Variants in SUPT3H observed in about 807,000 individuals in gnomAD.
SUPT3H encodes the protein transcription initiation protein SPT3 homolog.
A neutral mutation model predicts 44.3 loss-of-function variants in SUPT3H; 44 were observed. That is an observed-to-expected ratio of 0.99 (90% CI 0.78 to 1.28). SUPT3H has a LOEUF of 1.28. Ranked by LOEUF, SUPT3H falls within the 50% of genes most tolerant of loss-of-function variation. The pLI is 0.00. For missense variants in SUPT3H, 380 were observed against 387.1 expected (o/e 0.98, Z 0.15); for synonymous variants, 124 against 125.6 (o/e 0.99, Z 0.09).
chr6:44,906,533 T>C (rs1365385167), intron 10 of SUPT3H, among the ~76,000 whole-genome samples: 1 of 152,060 alleles, frequency 6.6e-6, no homozygotes, highest in Non-Finnish European at 1.5e-5. Context: ...GGAGGCCGAG[T>C]TGGGCGGATC....
At chr6:44,911,758 G>A (rs1246613757) in intron 10 of SUPT3H, among the ~76,000 whole-genome samples, 1 of 152,160 alleles carries the variant, frequency 6.6e-6, no homozygotes, top group Non-Finnish European at 1.5e-5. Flanking sequence ...AATACGAATT[G>A]TTACTGTTTT....
At chr6:44,959,816 T>A (rs1469074754) in intron 7 of SUPT3H, among the ~76,000 whole-genome samples, 2 of 152,098 alleles carry the variant, frequency 1.3e-5, no homozygotes, top group African/African-American at 4.8e-5. Flanking sequence ...AGAAGATACA[T>A]ATGGCAGGAC....
intron 10 of SUPT3H, among the ~76,000 whole-genome samples, chr6:44,888,295 G>T (rs372780373): frequency 5.3e-5 from 8 of 151,906 alleles, no homozygotes; most frequent in African/African-American, 1.2e-4. Flanking sequence ...TACCAAAGCC[G>T]GGCAGAGACA....
chr6:45,116,806 C>A (rs1028690181), intron 2 of SUPT3H, among the ~76,000 whole-genome samples: 3 of 151,982 alleles, frequency 2.0e-5, no homozygotes, highest in Non-Finnish European at 1.5e-5. Flanking sequence ...AGGGTTTTAC[C>A]ATCATCACCA....
At chr6:44,850,679 A>C (rs528789522) in intron 10 of SUPT3H, among the ~76,000 whole-genome samples, 6 of 152,052 alleles carry the variant, frequency 3.9e-5, no homozygotes, top group Non-Finnish European at 7.4e-5. Flanking sequence ...TCTTTTTTCA[A>C]TTATTTTGTT....
chr6:44,946,865 T>C (rs1773433180), intron 9 of SUPT3H, among the ~76,000 whole-genome samples: 1 of 152,182 alleles, frequency 6.6e-6, no homozygotes, highest in South Asian at 2.1e-4. Context: ...GGGTAAATGC[T>C]ATCAAACAAT....
At chr6:45,238,171 T>A (rs1199344528) in intron 2 of SUPT3H, among the ~76,000 whole-genome samples, 1 of 152,186 alleles carries the variant, frequency 6.6e-6, no homozygotes, top group Non-Finnish European at 1.5e-5. Flanking sequence ...AGTATATGGA[T>A]GATATACTTT....
At chr6:45,375,320 G>A (rs1796630045) in intron 1 of SUPT3H, among the ~76,000 whole-genome samples, 1 of 152,120 alleles carries the variant, frequency 6.6e-6, no homozygotes, top group Admixed American at 6.5e-5. Flanking sequence ...GTCCCAATTC[G>A]AACATTTTGA....
At chr6:44,867,257 T>G (rs537957644) in intron 10 of SUPT3H, among the ~76,000 whole-genome samples, 1 of 151,992 alleles carries the variant, frequency 6.6e-6, no homozygotes, top group Non-Finnish European at 1.5e-5. Flanking sequence ...GCTCAAGTGA[T>G]TCTCCTGTCT....
At chr6:44,939,361 A>G (rs957264471) in intron 9 of SUPT3H, among the ~76,000 whole-genome samples, 4 of 152,028 alleles carry the variant, frequency 2.6e-5, no homozygotes, top group African/African-American at 9.7e-5. Context: ...TATGTAATGT[A>G]TCCCATTTAT....
At chr6:45,180,854 C>G (rs1177368201) in intron 2 of SUPT3H, among the ~76,000 whole-genome samples, 2 of 151,328 alleles carry the variant, frequency 1.3e-5, no homozygotes, top group African/African-American at 4.8e-5. Context: ...CAACCAAAGC[C>G]AAAATTGACA....
At chr6:45,038,824 A>G (rs1788078309) in intron 3 of SUPT3H, among the ~76,000 whole-genome samples, 1 of 152,194 alleles carries the variant, frequency 6.6e-6, no homozygotes, top group Non-Finnish European at 1.5e-5. Context: ...CTAAAACTTG[A>G]TAAGGACTAA....
chr6:45,341,746 G>A (rs994404720), intron 2 of SUPT3H, among the ~76,000 whole-genome samples: 3 of 152,156 alleles, frequency 2.0e-5, no homozygotes, highest in Non-Finnish European at 2.9e-5. Flanking sequence ...CAAGTTCTCA[G>A]ATTCTGGTAC....
chr6:45,284,983 G>C (rs1297971509), intron 2 of SUPT3H, among the ~76,000 whole-genome samples: 2 of 151,946 alleles, frequency 1.3e-5, no homozygotes, highest in Admixed American at 1.3e-4. Flanking sequence ...CAGAACCAAA[G>C]ACAAAAACCA....
chr6:45,176,379 C>T (rs1328556830), intron 2 of SUPT3H, among the ~76,000 whole-genome samples: 2 of 152,048 alleles, frequency 1.3e-5, no homozygotes, highest in African/African-American at 2.4e-5. Context: ...GCTTAAAAAG[C>T]GGCGAACCAT....
intron 2 of SUPT3H, among the ~76,000 whole-genome samples, chr6:45,274,698 C>T (rs1304281010): frequency 6.6e-6 from 1 of 152,078 alleles, no homozygotes; most frequent in Non-Finnish European, 1.5e-5. Flanking sequence ...CTGGGCAACA[C>T]GGTGAAACCC....
At chr6:44,958,971 G>C (rs1184933377) in intron 7 of SUPT3H, among the ~76,000 whole-genome samples, 2 of 150,564 alleles carry the variant, frequency 1.3e-5, no homozygotes, top group East Asian at 3.9e-4. Flanking sequence ...CACCTCCCGG[G>C]TTCTAGTGAC....
chr6:45,328,375 TTC>T, intron 2 of SUPT3H: 1 of 1,390,944 alleles, frequency 7.2e-7, no homozygotes, highest in Non-Finnish European at 9.6e-7. Context: ...GGTGCAAACT[TTC>T]TCCAGGAGGA....
intron 3 of SUPT3H, among the ~76,000 whole-genome samples, chr6:45,052,985 A>C (rs1790538482): frequency 1.3e-5 from 2 of 152,022 alleles, no homozygotes; most frequent in African/African-American, 4.8e-5. Flanking sequence ...ACAGGTAGAG[A>C]GAAGGGAGGT....
Sources: allele counts gnomAD v4.1 joint callset (sites outside exome capture counted in the v4.1 genomes callset), GRCh38; gene constraint gnomAD v4.1.1; transcripts MANE v1.5; gene names NCBI Gene and HGNC (gene_info 2026-07-23, HGNC 2026-07-21).